TMEM156: variants seen among roughly 807,000 people sequenced by gnomAD.
The protein encoded by TMEM156 is transmembrane protein 156.
In TMEM156, 28 loss-of-function variants were observed where a neutral mutation model predicts 30.5. That is an observed-to-expected ratio of 0.92 (90% CI 0.68 to 1.26). The LOEUF is 1.26. TMEM156 is among the 50% of genes most tolerant of loss of function. The probability of loss-of-function intolerance (pLI) is 0.00; values close to 1 mark genes in which losing one functional copy is unlikely to be tolerated. For synonymous variants in TMEM156, 137 were observed against 119.9 expected, an observed-to-expected ratio of 1.14 and a Z score of -0.93; for missense variants, 351 against 340.6, an observed-to-expected ratio of 1.03 and a Z score of -0.24.
At chr4:38,982,523 A>G (rs938557668) in intron 5 of TMEM156, among the ~76,000 whole-genome samples, 2 of 152,086 alleles carry the variant, frequency 1.3e-5, no homozygotes, top group Non-Finnish European at 2.9e-5. Context: ...CATATTTCCC[A>G]ATCTCTCAGA....
chr4:39,009,981 T>C (rs1322977658), intron 1 of TMEM156, among the ~76,000 whole-genome samples: 1 of 152,164 alleles, frequency 6.6e-6, no homozygotes, highest in Non-Finnish European at 1.5e-5. Context: ...GATATGATTA[T>C]ATACCTAGAA....
chr4:39,029,922 T>G (rs1300321001), intron 1 of TMEM156, among the ~76,000 whole-genome samples: 1 of 152,116 alleles, frequency 6.6e-6, no homozygotes, highest in Non-Finnish European at 1.5e-5. Context: ...TATAACATTT[T>G]GCCTAGTAAT....
At chr4:39,021,934 T>C (rs1714896439) in intron 1 of TMEM156, among the ~76,000 whole-genome samples, 1 of 152,244 alleles carries the variant, frequency 6.6e-6, no homozygotes, top group African/African-American at 2.4e-5. Context: ...ATATCGGAAT[T>C]CTTTGAAGAT....
chr4:38,975,324 C>T (rs746406743), intron 5 of TMEM156, among the ~76,000 whole-genome samples: 2 of 151,740 alleles, frequency 1.3e-5, no homozygotes, highest in Non-Finnish European at 2.9e-5. Context: ...GTCTGTCAGC[C>T]CAGTCTCACA....
At chr4:39,000,848 C>A (rs191869462) in intron 1 of TMEM156, among the ~76,000 whole-genome samples, 1 of 152,106 alleles carries the variant, frequency 6.6e-6, no homozygotes, top group African/African-American at 2.4e-5. Flanking sequence ...GATCGCACCA[C>A]TGCACTCCAG....
intron 1 of TMEM156, among the ~76,000 whole-genome samples, chr4:39,013,601 C>T (rs1714277561): frequency 6.6e-6 from 1 of 151,796 alleles, no homozygotes; most frequent in South Asian, 2.1e-4. Context: ...GGGGTTTCAC[C>T]ATGTTGGCCA....
intron 3 of TMEM156, among the ~76,000 whole-genome samples, chr4:38,990,046 C>A (rs1018200534): frequency 6.6e-6 from 1 of 152,210 alleles, no homozygotes; most frequent in African/African-American, 2.4e-5. Flanking sequence ...CCACCCGCCT[C>A]GGCCTCCCAA....
At chr4:39,020,219 C>T (rs984461058) in intron 1 of TMEM156, among the ~76,000 whole-genome samples, 6 of 152,166 alleles carry the variant, frequency 3.9e-5, no homozygotes, top group East Asian at 1.9e-4. Flanking sequence ...TGGACACTTA[C>T]ATTGATTCCA....
At position 38,988,937 on chromosome 4, in the gene TMEM156, A is replaced by G. The variant is rs771388235; in HGVS notation, c.653T>C (p.Ile218Thr). 1 of 1,612,534 alleles carries G rather than the reference A, an allele frequency of 6.2e-7. No homozygotes were observed. Among genetic ancestry groups the G allele is most frequent in the Non-Finnish European group, 8.5e-7 (1 of 1,178,700 alleles). Residue 218 changes from isoleucine to threonine, a missense_variant, in exon 4 of 7, where the codon ATT (isoleucine) becomes ACT (threonine). By Grantham distance (89) the Ile-to-Thr change is moderately conservative. Transcript: ENST00000381938. ...AAATATAAAAACTAATAGAACTAAAATATACCAAGTGATCTTCATGGAACA... is the reference window on the plus strand; with the variant it reads ...AAATATAAAAACTAATAGAACTAAAGTATACCAAGTGATCTTCATGGAACA... ...ITCSMKITWYILVLLVFIFLI... is the reference protein window; with the variant it reads ...ITCSMKITWYTLVLLVFIFLI...
At chr4:38,990,023 G>A (rs544742025) in intron 3 of TMEM156, among the ~76,000 whole-genome samples, 1 of 152,252 alleles carries the variant, frequency 6.6e-6, no homozygotes, top group Admixed American at 6.5e-5. Flanking sequence ...TTGAACTCCT[G>A]GCCTCGGGCA....
intron 5 of TMEM156, among the ~76,000 whole-genome samples, chr4:38,981,716 A>G (rs1187289444): frequency 1.3e-5 from 2 of 152,322 alleles, no homozygotes; most frequent in Admixed American, 6.5e-5. Context: ...TTTTGAAATC[A>G]AATGAAATGA....
intron 5 of TMEM156, among the ~76,000 whole-genome samples, chr4:38,974,674 A>AT (rs11284825): frequency 0.1 from 14,539 of 144,156 alleles, 1,410 homozygotes; most frequent in African/African-American, 0.25. Flanking sequence ...ATTAAAAGTA[A>AT]TTTTTTTTTT....
At chr4:39,025,642 A>G (rs1271697844) in intron 1 of TMEM156, among the ~76,000 whole-genome samples, 1 of 152,196 alleles carries the variant, frequency 6.6e-6, no homozygotes, top group Admixed American at 6.5e-5. Context: ...TACCATAGCA[A>G]TATTTGAAAG....
chr4:39,012,417 A>G (rs763609271), intron 1 of TMEM156, among the ~76,000 whole-genome samples: 2 of 152,244 alleles, frequency 1.3e-5, no homozygotes, highest in Non-Finnish European at 2.9e-5. Flanking sequence ...CACTATAAAT[A>G]TTTATGTCAA....
At chr4:38,995,334 A>T (rs907866624) in intron 2 of TMEM156, among the ~76,000 whole-genome samples, 2 of 152,216 alleles carry the variant, frequency 1.3e-5, no homozygotes, top group East Asian at 3.9e-4. Context: ...TCCATAACAC[A>T]CATGTTACCC....
At chr4:39,011,254 C>T (rs1290725257) in intron 1 of TMEM156, among the ~76,000 whole-genome samples, 1 of 152,136 alleles carries the variant, frequency 6.6e-6, no homozygotes, top group Non-Finnish European at 1.5e-5. Context: ...AAATCACAGA[C>T]ATTCACAAGG....
At chr4:38,996,781 G>A (rs1024350444) in intron 2 of TMEM156, among the ~76,000 whole-genome samples, 2 of 152,140 alleles carry the variant, frequency 1.3e-5, no homozygotes, top group African/African-American at 2.4e-5. Context: ...TCAGCATCCC[G>A]AAGACACAAT....
intron 4 of TMEM156, 126 bp from the exon 5 acceptor site, chr4:38,986,545 A>T: frequency 2.9e-6 from 2 of 691,380 alleles, no homozygotes; most frequent in East Asian, 5.7e-5. Flanking sequence ...ACGGTGGTTC[A>T]CGCCTGTAAT....
chr4:39,011,603 A>G (rs1274464979), intron 1 of TMEM156, among the ~76,000 whole-genome samples: 2 of 152,012 alleles, frequency 1.3e-5, no homozygotes, highest in African/African-American at 2.4e-5. Flanking sequence ...GTGAAACCCC[A>G]TCTCTACTAA....
Sources: allele counts gnomAD v4.1 joint callset (sites outside exome capture counted in the v4.1 genomes callset), GRCh38; gene constraint gnomAD v4.1.1; transcripts MANE v1.5; gene names NCBI Gene and HGNC (gene_info 2026-07-23, HGNC 2026-07-21).